OPCML: variants seen among roughly 807,000 people sequenced by gnomAD.
The protein encoded by OPCML is opioid binding protein/cell adhesion molecule like.
A neutral mutation model predicts 37.8 loss-of-function variants in OPCML; 13 were observed. That is an observed-to-expected ratio of 0.34 (90% CI 0.22 to 0.55). OPCML has a LOEUF of 0.55. Among genes scored for constraint, OPCML ranks in the 20% least tolerant of loss-of-function variants. The probability of loss-of-function intolerance (pLI) is 0.91; values close to 1 mark genes in which losing one functional copy is unlikely to be tolerated. For missense variants in OPCML, 341 were observed against 435.6 expected (o/e 0.78, Z 1.93); for synonymous variants, 176 against 168.8 (o/e 1.04, Z -0.33).
intron 1 of OPCML, among the ~76,000 whole-genome samples, chr11:133,510,901 A>G (rs1354478249): frequency 2.0e-5 from 3 of 150,562 alleles, no homozygotes; most frequent in Non-Finnish European, 2.9e-5. Flanking sequence ...ACACACACAC[A>G]CGCACACACA....
chr11:132,966,285 T>G (rs779516748), intron 1 of OPCML, among the ~76,000 whole-genome samples: 6 of 152,164 alleles, frequency 3.9e-5, no homozygotes, highest in Admixed American at 1.3e-4. Context: ...ATTGTTTTTC[T>G]TTGATCATTG....
Position 133,312,586 on chromosome 11 carries a change from C to A in OPCML, c.61+219678G>T, listed in dbSNP as rs1465985521. ...AATGATTGATCAAAGACAGAATAGC[C>A]CCATAATGATCAAAAGAAAATTAGT... On this transcript the variant is annotated intron_variant, in intron 1 of 7. Coordinates refer to ENST00000524381, the MANE Select transcript of OPCML (RefSeq NM_001012393.5). 2.6e-5 allele frequency among the ~76,000 whole-genome samples: 4 copies of A among 152,124 alleles called. No homozygotes were observed. The East Asian group carries it at 7.7e-4, about 29-fold the overall frequency.
chr11:133,021,832 G>A (rs1947462092), intron 1 of OPCML, among the ~76,000 whole-genome samples: 1 of 80,098 alleles, frequency 1.2e-5, no homozygotes, highest in African/African-American at 6.1e-5. Flanking sequence ...GGCATCAGGG[G>A]ACATTTAAGC....
At chr11:133,482,552 G>A (rs751215828) in intron 1 of OPCML, among the ~76,000 whole-genome samples, 3 of 152,096 alleles carry the variant, frequency 2.0e-5, no homozygotes, top group Admixed American at 1.3e-4. Flanking sequence ...TGAGGGGTGA[G>A]TGGGAGGAGG....
intron 2 of OPCML, among the ~76,000 whole-genome samples, chr11:132,873,419 G>A (rs1226651381): frequency 1.3e-5 from 2 of 152,106 alleles, no homozygotes; most frequent in African/African-American, 4.8e-5. Context: ...ATGCCCCCCA[G>A]AGCCTCCTGC....
chr11:133,185,055 C>T (rs2136291697), intron 1 of OPCML, among the ~76,000 whole-genome samples: 1 of 152,266 alleles, frequency 6.6e-6, no homozygotes, highest in African/African-American at 2.4e-5. Flanking sequence ...CAAAGCCAAC[C>T]CAGCTTTCAA....
chr11:133,359,312 C>A (rs1228598261), intron 1 of OPCML, among the ~76,000 whole-genome samples: 2 of 152,156 alleles, frequency 1.3e-5, no homozygotes, highest in African/African-American at 4.8e-5. Flanking sequence ...GCAAAATATT[C>A]CCTCTGTCAG....
chr11:133,165,444 G>C (rs1248803327), intron 1 of OPCML, among the ~76,000 whole-genome samples: 2 of 152,094 alleles, frequency 1.3e-5, no homozygotes, highest in African/African-American at 4.8e-5. Context: ...TTCAACGAAG[G>C]GTTCCTTTTC....
chr11:133,266,136 T>C (rs1320347463), intron 1 of OPCML, among the ~76,000 whole-genome samples: 3 of 152,144 alleles, frequency 2.0e-5, no homozygotes, highest in Non-Finnish European at 4.4e-5. Flanking sequence ...ACAAACCTGT[T>C]TTGTTAAAGA....
intron 4 of OPCML, among the ~76,000 whole-genome samples, chr11:132,476,722 C>T (rs905889771): frequency 2.6e-5 from 4 of 151,652 alleles, no homozygotes; most frequent in East Asian, 3.9e-4. Context: ...GATAGCATTA[C>T]GAGATATACC....
chr11:132,508,690 C>T (rs958375717), intron 4 of OPCML, among the ~76,000 whole-genome samples: 3 of 152,132 alleles, frequency 2.0e-5, no homozygotes, highest in Non-Finnish European at 4.4e-5. Context: ...GGGGTTTCCG[C>T]TTTTGCTTTT....
intron 1 of OPCML, among the ~76,000 whole-genome samples, chr11:133,197,666 A>G (rs1314597379): frequency 6.6e-6 from 1 of 152,250 alleles, no homozygotes; most frequent in Non-Finnish European, 1.5e-5. Context: ...GTTTATGCCA[A>G]TGAATTCCGA....
At chr11:133,297,148 T>C (rs1268725329) in intron 1 of OPCML, 3 of 152,102 alleles carry the variant, frequency 2.0e-5, no homozygotes, top group Non-Finnish European at 4.4e-5. Flanking sequence ...TTCTGAGGTC[T>C]CTCCTGAAGA....
At chr11:133,525,334 TG>T (rs1948468805) in intron 1 of OPCML, among the ~76,000 whole-genome samples, 1 of 152,100 alleles carries the variant, frequency 6.6e-6, no homozygotes, top group South Asian at 2.1e-4. Context: ...GTGAAGCCCT[TG>T]AGGAAGGAGG....
chr11:132,601,632 T>C (rs911745025), intron 3 of OPCML, among the ~76,000 whole-genome samples: 10 of 152,174 alleles, frequency 6.6e-5, no homozygotes, highest in Non-Finnish European at 2.9e-5. Context: ...GATGGCTGTT[T>C]ATTTAGGAAG....
intron 1 of OPCML, among the ~76,000 whole-genome samples, chr11:133,478,017 G>A (rs1947282363): frequency 6.6e-6 from 1 of 152,162 alleles, no homozygotes; most frequent in African/African-American, 2.4e-5. Context: ...ATAATTATGA[G>A]AAAGCCAATT....
At chr11:133,103,983 G>A (rs1646100203) in intron 1 of OPCML, among the ~76,000 whole-genome samples, 1 of 152,212 alleles carries the variant, frequency 6.6e-6, no homozygotes, top group Admixed American at 6.5e-5. Context: ...TCAGGAAAGA[G>A]ATATAATAGC....
chr11:132,876,358 C>T (rs925616803), intron 2 of OPCML, among the ~76,000 whole-genome samples: 5 of 152,176 alleles, frequency 3.3e-5, no homozygotes, highest in Admixed American at 2.6e-4. Context: ...CCTTTATGAT[C>T]TGAGTTCAGG....
rs61710233 is a variant in OPCML, at chr11:132,649,642, A to G, written c.379+7445T>C. Among the ~76,000 whole-genome samples, 377 of 152,256 alleles carry G rather than the reference A, an allele frequency of 2.5e-3. 3 individuals carry two copies. The highest frequency in any genetic ancestry group is 8.4e-3 in the African/African-American group (351 of 41,556). On this transcript the variant is annotated intron_variant, in intron 3 of 7. Coordinates refer to ENST00000524381, the MANE Select transcript of OPCML (RefSeq NM_001012393.5). Reference sequence around the variant, plus strand: ...CTGTGTTGTAGTTGCCTTCTTAGTTAGCCTAACTCTTCCATAAAGCATGTG... The same window carrying G: ...CTGTGTTGTAGTTGCCTTCTTAGTTGGCCTAACTCTTCCATAAAGCATGTG...
Sources: allele counts gnomAD v4.1 joint callset (sites outside exome capture counted in the v4.1 genomes callset), GRCh38; gene constraint gnomAD v4.1.1; transcripts MANE v1.5; gene names NCBI Gene and HGNC (gene_info 2026-07-23, HGNC 2026-07-21).